The following KDM4C variants were observed in gnomAD, a reference collection of about 807,000 sequenced individuals.
The protein encoded by KDM4C is lysine-specific demethylase 4C.
In KDM4C, 81 loss-of-function variants were observed where a neutral mutation model predicts 129.3. The ratio of observed to expected loss-of-function variants is 0.63; its 90% confidence interval spans 0.52 to 0.75. The LOEUF is 0.75. KDM4C is among the 30% of genes least tolerant of loss of function. The pLI, the probability that KDM4C is intolerant of heterozygous loss-of-function variation, is 0.00. For synonymous variants in KDM4C, 573 were observed against 456.1 expected (o/e 1.26, Z -3.26); for missense variants, 1,457 against 1,304.0 (o/e 1.12, Z -1.81).
At chr9:6,882,805 T>TGTGTGTGTGTGTGC (rs66830716) in intron 6 of KDM4C, among the ~76,000 whole-genome samples, 3 of 149,154 alleles carry the variant, frequency 2.0e-5, no homozygotes, top group Non-Finnish European at 4.5e-5. Flanking sequence ...TGTGTGTGTG[T>TGTGTGTGTGTGTGC]GCGCGTGTGC....
In KDM4C at chr9:6,881,849, T is replaced by A. The variant is rs1259909553; in HGVS notation, c.679+1788T>A. 2.6e-5 allele frequency among the ~76,000 whole-genome samples: 4 copies of A among 152,218 alleles called. No homozygotes were observed. The East Asian group carries it at 7.7e-4, about 29-fold the overall frequency. On this transcript the variant is annotated intron_variant, in intron 6 of 21. Transcript: ENST00000381309. ...CCAGATGCCAGCCAAAATAATTGAA[T>A]TCTGCTAAATAATTAAAATGATAAA...
rs1424140338 is a variant in KDM4C at position 6,988,886 on chromosome 9, C to G, written c.1678-1530C>G. ...ATTACCCTATAAAACTGCCCCCTCC[C>G]CATCACTTTCTATTCCTTTGTCCTT... On this transcript the variant is annotated intron_variant, in intron 11 of 21. Transcript: ENST00000381309. Among the ~76,000 whole-genome samples, 15 of 152,084 alleles carry G rather than the reference C, an allele frequency of 9.9e-5. 1 individual carries two copies. Among genetic ancestry groups the G allele is most frequent in the Non-Finnish European group, 2.9e-5 (2 of 68,022 alleles).
chr9:6,869,421 C>G (rs1340776064), intron 5 of KDM4C, among the ~76,000 whole-genome samples: 1 of 152,214 alleles, frequency 6.6e-6, no homozygotes, highest in Non-Finnish European at 1.5e-5. Flanking sequence ...AGTGACACCT[C>G]TTTACAAACA....
intron 18 of KDM4C, among the ~76,000 whole-genome samples, chr9:7,124,815 A>G (rs4742314): frequency 0.57 from 86,260 of 152,004 alleles, 24,649 homozygotes; most frequent in Middle Eastern, 0.64. Flanking sequence ...AAGAAGGGAA[A>G]TATCCTTTTG....
intron 19 of KDM4C, among the ~76,000 whole-genome samples, chr9:7,143,306 T>C (rs192544011): frequency 4.6e-5 from 7 of 152,354 alleles, no homozygotes; most frequent in Admixed American, 1.3e-4. Flanking sequence ...AAAAAAGATA[T>C]CACAATTGAA....
At chr9:6,975,529 T>C (rs1832773598) in intron 8 of KDM4C, among the ~76,000 whole-genome samples, 1 of 152,228 alleles carries the variant, frequency 6.6e-6, no homozygotes, top group African/African-American at 2.4e-5. Flanking sequence ...CTTGGACTAA[T>C]TAATGTGAGT....
intron 4 of KDM4C, among the ~76,000 whole-genome samples, chr9:6,816,461 TTTTG>T (rs898816846): frequency 8.5e-5 from 13 of 152,240 alleles, no homozygotes; most frequent in Non-Finnish European, 1.2e-4. Context: ...CATTTTCTTC[TTTTG>T]TTTAACAGTA....
intron 19 of KDM4C, among the ~76,000 whole-genome samples, chr9:7,132,986 ACTCTT>A (rs1214323850): frequency 7.2e-5 from 11 of 152,230 alleles, no homozygotes; most frequent in African/African-American, 2.6e-4. Flanking sequence ...TGAAAACAAT[ACTCTT>A]CAAGATTCTG....
At chr9:7,057,653 C>A (rs139530524) in intron 17 of KDM4C, among the ~76,000 whole-genome samples, 1 of 152,166 alleles carries the variant, frequency 6.6e-6, no homozygotes, top group Non-Finnish European at 1.5e-5. Context: ...TTTTATAACA[C>A]TGTTAAGAAC....
At position 7,103,886 on chromosome 9, in the gene KDM4C, C is replaced by A; in HGVS notation, c.2610+16C>A. The A allele has an allele frequency of 6.2e-7, 1 of 1,611,482 alleles. No individual in the cohort carries two copies. Among genetic ancestry groups the A allele is most frequent in the Non-Finnish European group, 8.5e-7 (1 of 1,177,920 alleles). On this transcript the variant is annotated intron_variant, in intron 18 of 21. Transcript: ENST00000381309. Reference sequence around the variant, plus strand: ...CCCCAACGTGGTAAGATGTGCCCTCCCTTCCTCAGTGCTAAGACCGTGTCT... The same window carrying A: ...CCCCAACGTGGTAAGATGTGCCCTCACTTCCTCAGTGCTAAGACCGTGTCT...
intron 4 of KDM4C, among the ~76,000 whole-genome samples, chr9:6,848,375 A>G (rs1007673192): frequency 2.0e-5 from 3 of 151,716 alleles, no homozygotes; most frequent in African/African-American, 4.8e-5. Flanking sequence ...TAGTCAATTC[A>G]TGAGTGATTG....
chr9:6,733,524 C>T (rs538126501), intron 1 of KDM4C, among the ~76,000 whole-genome samples: 2 of 152,170 alleles, frequency 1.3e-5, no homozygotes, highest in Admixed American at 6.6e-5. Context: ...TAACTTCTTG[C>T]GTTTGGCTTT....
At chr9:6,825,086 C>T (rs1163587841) in intron 4 of KDM4C, among the ~76,000 whole-genome samples, 1 of 142,480 alleles carries the variant, frequency 7.0e-6, no homozygotes, top group Non-Finnish European at 1.5e-5. Flanking sequence ...GCAGAGGTTG[C>T]AGTGAGCTGA....
At chr9:7,060,953 A>G (rs1322866937) in intron 17 of KDM4C, among the ~76,000 whole-genome samples, 1 of 152,244 alleles carries the variant, frequency 6.6e-6, no homozygotes, top group East Asian at 1.9e-4. Flanking sequence ...CTCAAAGGAA[A>G]CCAAATTCAA....
At chr9:6,744,623 T>C (rs1025570458) in intron 1 of KDM4C, among the ~76,000 whole-genome samples, 1 of 152,214 alleles carries the variant, frequency 6.6e-6, no homozygotes, top group African/African-American at 2.4e-5. Flanking sequence ...CTTGAATTCC[T>C]GGCCTCAAGC....
At chr9:6,889,252 G>GTGTGTGTGTGTGTGTGTGTGTGTGTGT (rs747649175) in intron 7 of KDM4C, among the ~76,000 whole-genome samples, 2 of 75,004 alleles carry the variant, frequency 2.7e-5, no homozygotes, top group East Asian at 4.8e-4. Context: ...TGTGTGTGTG[G>GTGTGTGTGTGTGTGTGTGTGTGTGTGT]GAGGGTGGGG....
At chr9:6,824,771 G>C (rs930023199) in intron 4 of KDM4C, among the ~76,000 whole-genome samples, 1 of 152,002 alleles carries the variant, frequency 6.6e-6, no homozygotes, top group Non-Finnish European at 1.5e-5. Flanking sequence ...AAGAAAAGGT[G>C]ACTGTATTTC....
intron 17 of KDM4C, among the ~76,000 whole-genome samples, chr9:7,064,509 G>T (rs1010398092): frequency 2.0e-5 from 3 of 152,166 alleles, no homozygotes; most frequent in Non-Finnish European, 4.4e-5. Flanking sequence ...ACGAGGCAGG[G>T]TTGGTCAGGC....
At chr9:6,849,427 T>G in intron 4 of KDM4C, 80 bp from the exon 5 acceptor site, 1 of 1,209,628 alleles carries the variant, frequency 8.3e-7, no homozygotes, top group East Asian at 2.4e-5. Flanking sequence ...TTTTGGTGGA[T>G]AGTGGTTTGA....
Sources: gnomAD v4.1 joint callset for allele counts (sites outside exome capture counted in the v4.1 genomes callset) on GRCh38, gnomAD v4.1.1 for gene constraint, MANE v1.5 for transcripts, NCBI Gene and HGNC (gene_info 2026-07-23, HGNC 2026-07-21) for gene names.